Variants in SDCCAG8 observed in about 807,000 individuals in gnomAD.
The protein encoded by SDCCAG8 is serologically defined colon cancer antigen 8.
In SDCCAG8, 74 loss-of-function variants were observed where a neutral mutation model predicts 101.8. That is an observed-to-expected ratio of 0.73 (90% CI 0.60 to 0.88). The LOEUF (loss-of-function observed/expected upper bound fraction) is 0.88. SDCCAG8 is among the 40% of genes least tolerant of loss of function. The pLI, the probability that SDCCAG8 is intolerant of heterozygous loss-of-function variation, is 0.00. For synonymous variants in SDCCAG8, 281 were observed against 292.9 expected (o/e 0.96, Z 0.41); for missense variants, 787 against 822.6 (o/e 0.96, Z 0.53).
intron 6 of SDCCAG8, 108 bp downstream of exon 6, chr1:243,293,327 A>G: frequency 8.8e-7 from 1 of 1,139,904 alleles, no homozygotes; most frequent in South Asian, 1.4e-5. Context: ...CATTATAACC[A>G]TTTTTAAGCG....
At chr1:243,413,604 T>G (rs2080342873) in intron 13 of SDCCAG8, among the ~76,000 whole-genome samples, 1 of 152,192 alleles carries the variant, frequency 6.6e-6, no homozygotes, top group Non-Finnish European at 1.5e-5. Context: ...AGTACCAGTT[T>G]GTGATGGGTA....
chr1:243,485,377 C>T (rs1199466638), intron 16 of SDCCAG8, among the ~76,000 whole-genome samples: 1 of 152,132 alleles, frequency 6.6e-6, no homozygotes, highest in South Asian at 2.1e-4. Flanking sequence ...AGCCCAGGGG[C>T]TCAAGGTGTT....
intron 1 of SDCCAG8, among the ~76,000 whole-genome samples, chr1:243,268,785 ATATATGT>A (rs1274177320): frequency 2.0e-5 from 3 of 152,226 alleles, no homozygotes; most frequent in Non-Finnish European, 4.4e-5. Flanking sequence ...GTCCTACAGA[ATATATGT>A]TTATAAATGT....
chr1:243,358,138 A>T (rs2076493109), intron 12 of SDCCAG8, among the ~76,000 whole-genome samples: 1 of 152,190 alleles, frequency 6.6e-6, no homozygotes, highest in Non-Finnish European at 1.5e-5. Context: ...AAAGAACATT[A>T]TCAAGAAAAA....
intron 9 of SDCCAG8, chr1:243,318,528 G>T: frequency 1.0e-6 from 1 of 984,538 alleles, no homozygotes; most frequent in Non-Finnish European, 1.2e-6. Context: ...AAAAATTAGG[G>T]CTATTCAATT....
At chr1:243,315,863 A>G (rs982340795) in intron 8 of SDCCAG8, among the ~76,000 whole-genome samples, 6 of 152,238 alleles carry the variant, frequency 3.9e-5, no homozygotes, top group African/African-American at 1.4e-4. Flanking sequence ...AGGGAACACC[A>G]TATGTAACAG....
intron 1 of SDCCAG8, among the ~76,000 whole-genome samples, chr1:243,265,727 T>C (rs2067529081): frequency 6.6e-6 from 1 of 151,526 alleles, no homozygotes; most frequent in African/African-American, 2.4e-5. Context: ...GCAGGAAAAA[T>C]GCTTGAACCT....
intron 12 of SDCCAG8, among the ~76,000 whole-genome samples, chr1:243,354,964 C>A (rs545544740): frequency 8.1e-4 from 124 of 152,332 alleles, no homozygotes; most frequent in Admixed American, 1.8e-3. Context: ...CCTGATCTAA[C>A]TCTAGGCTGT....
intron 5 of SDCCAG8, among the ~76,000 whole-genome samples, chr1:243,288,570 A>T (rs1243088025): frequency 1.3e-5 from 2 of 152,204 alleles, no homozygotes; most frequent in Admixed American, 6.5e-5. Flanking sequence ...TCTTAAATAT[A>T]AAAAATCAAG....
intron 16 of SDCCAG8, among the ~76,000 whole-genome samples, chr1:243,484,872 C>T (rs960260054): frequency 7.9e-5 from 12 of 152,110 alleles, no homozygotes; most frequent in Admixed American, 6.5e-4. Context: ...CGTGAAACCC[C>T]ATCTCTACTA....
intron 12 of SDCCAG8, among the ~76,000 whole-genome samples, chr1:243,349,392 A>G (rs1165588697): frequency 6.6e-6 from 1 of 152,238 alleles, no homozygotes; most frequent in Non-Finnish European, 1.5e-5. Flanking sequence ...TTCCTGCAAC[A>G]ACAGCAGAGT....
rs1006254514 is a variant in SDCCAG8, at chr1:243,458,181, T to A, written c.1986-30833T>A. Among the ~76,000 whole-genome samples, 62 of 152,256 alleles carry A rather than the reference T, an allele frequency of 4.1e-4. No homozygotes were observed. The highest frequency in any genetic ancestry group is 1.4e-3 in the African/African-American group (60 of 41,540). ...CTACTCAGCACACACAATCTTAAGG[T>A]CTTTGCTGTAAGAAGCTCAACCATC... On this transcript the variant is annotated intron_variant, in intron 16 of 17. Transcript: ENST00000366541. This position sits in a 1 kb window ranked among gnomAD's most constrained non-coding sequence, Gnocchi z 4.5.
At chr1:243,399,824 A>G (rs952284746) in intron 13 of SDCCAG8, among the ~76,000 whole-genome samples, 5 of 152,050 alleles carry the variant, frequency 3.3e-5, no homozygotes, top group African/African-American at 1.2e-4. Flanking sequence ...TCTTGGAACT[A>G]CCTCTGGGAG....
chr1:243,400,062 T>C (rs1341269028), intron 13 of SDCCAG8, among the ~76,000 whole-genome samples: 1 of 152,180 alleles, frequency 6.6e-6, no homozygotes, highest in Non-Finnish European at 1.5e-5. Flanking sequence ...ATTTTATCCA[T>C]TACACTATAT....
intron 13 of SDCCAG8, among the ~76,000 whole-genome samples, chr1:243,411,182 T>C (rs980692483): frequency 6.6e-6 from 1 of 152,156 alleles, no homozygotes; most frequent in Non-Finnish European, 1.5e-5. Context: ...GGTGTAGTTA[T>C]GGCTCACTGT....
chr1:243,431,006 G>A (rs2148057144), intron 16 of SDCCAG8, among the ~76,000 whole-genome samples: 1 of 151,956 alleles, frequency 6.6e-6, no homozygotes, highest in East Asian at 2.0e-4. Context: ...AGACCAGCCT[G>A]GCCAACATGG....
At position 243,270,242 on chromosome 1, in the gene SDCCAG8, C is replaced by A. The variant is rs2067978047; in HGVS notation, c.205C>A (p.Gln69Lys). The A allele has an allele frequency of 6.2e-7, 1 of 1,614,112 alleles. No homozygotes were observed. The highest frequency in any genetic ancestry group is 1.1e-5 in the South Asian group (1 of 91,064). Residue 69 changes from glutamine (Q) to lysine (K), a missense_variant, in exon 2 of 18, where the codon CAA (glutamine) becomes AAA (lysine). Gln to Lys is a moderately conservative substitution (Grantham distance 53, BLOSUM62 1). Transcript: ENST00000366541. ...CGCCAGGACAGCCTGGCCCGAATTA[C>A]AACAGAGCCATGCTGGTGAGTGTGA... ...EDARTAWPEL[Q>K]QSHAVNQLKD...
At chr1:243,299,641 T>C (rs1337878973) in intron 6 of SDCCAG8, among the ~76,000 whole-genome samples, 3 of 152,240 alleles carry the variant, frequency 2.0e-5, no homozygotes, top group South Asian at 4.1e-4. Context: ...CTCGAATTCC[T>C]AACCTCAGGT....
At chr1:243,496,835 T>C (rs1001250376) in intron 17 of SDCCAG8, among the ~76,000 whole-genome samples, 5 of 152,232 alleles carry the variant, frequency 3.3e-5, no homozygotes, top group Admixed American at 1.3e-4. Flanking sequence ...GAGAGATGAC[T>C]CCGATAGGAT....
Sources: gnomAD v4.1 joint callset for allele counts (sites outside exome capture counted in the v4.1 genomes callset) on GRCh38, gnomAD v4.1.1 for gene constraint, Gnocchi (gnomAD v3.1) non-coding constraint, MANE v1.5 for transcripts, NCBI Gene and HGNC (gene_info 2026-07-23, HGNC 2026-07-21) for gene names.